The following RBFOX1 variants were observed in gnomAD, a reference collection of about 807,000 sequenced individuals.
RBFOX1 encodes the protein RNA binding protein fox-1 homolog 1.
RBFOX1 carries 8 observed loss-of-function variants against 57.7 expected under a neutral mutation model. The observed-to-expected ratio is 0.14, with a 90% CI of 0.08 to 0.25. The LOEUF (loss-of-function observed/expected upper bound fraction) is 0.25, where lower values mean the gene tolerates loss of function less well. Ranked by LOEUF, RBFOX1 falls within the 10% of genes least tolerant of loss-of-function variation. The pLI is 1.00. For missense variants in RBFOX1, 611 were observed against 548.5 expected, an observed-to-expected ratio of 1.11 and a Z score of -1.14; for synonymous variants, 326 against 222.4, an observed-to-expected ratio of 1.47 and a Z score of -4.15.
intron 3 of RBFOX1, among the ~76,000 whole-genome samples, chr16:5,725,828 G>A (rs933232196): frequency 2.6e-5 from 4 of 152,014 alleles, no homozygotes; most frequent in Non-Finnish European, 4.4e-5. Flanking sequence ...CCAGCTCTCC[G>A]AGTTCTCTGC....
intron 2 of RBFOX1, among the ~76,000 whole-genome samples, chr16:6,400,922 T>C (rs1445806043): frequency 6.6e-6 from 1 of 152,176 alleles, no homozygotes; most frequent in Non-Finnish European, 1.5e-5. Context: ...TGATAGTACC[T>C]GATGGTGTTG....
chr16:5,569,458 T>G (rs2046197276), intron 2 of RBFOX1, among the ~76,000 whole-genome samples: 8 of 117,316 alleles, frequency 6.8e-5, no homozygotes, highest in African/African-American at 2.4e-4. Context: ...TTTTTTTTTT[T>G]TTTTTTTTTC....
intron 2 of RBFOX1, among the ~76,000 whole-genome samples, chr16:6,360,123 T>C (rs1951372015): frequency 6.6e-6 from 1 of 152,212 alleles, no homozygotes; most frequent in Non-Finnish European, 1.5e-5. Flanking sequence ...ATTTCCAGTA[T>C]GCATCTGTTC....
rs1003065530 is a variant in RBFOX1 at position 6,378,352 on chromosome 16, C to G, written c.-64+61295C>G. 5.9e-5 allele frequency among the ~76,000 whole-genome samples: 9 copies of G among 152,354 alleles called. No individual in the cohort carries two copies. The South Asian group carries it at 1.4e-3, about 25-fold the overall frequency. ...GAGATGGTGACCCAGACCCTGCGAT[C>G]CTGGTGCCACAATCCTTCCCAACAG... On this transcript the variant is annotated intron_variant, in intron 2 of 15. Transcript: ENST00000550418.
intron 2 of RBFOX1, among the ~76,000 whole-genome samples, chr16:6,451,679 C>T (rs1834870251): frequency 2.0e-5 from 3 of 152,192 alleles, no homozygotes; most frequent in Admixed American, 2.0e-4. Context: ...CTTCCCTTAC[C>T]ACCCTTTACT....
At chr16:6,863,267 A>G (rs1380432132) in intron 3 of RBFOX1, among the ~76,000 whole-genome samples, 1 of 152,164 alleles carries the variant, frequency 6.6e-6, no homozygotes. Context: ...GAGACGAAGT[A>G]TCTTCTGGAT....
In RBFOX1 at chr16:6,838,437, A is replaced by T. The variant is rs187357986; in HGVS notation, c.-16+183787A>T. The stretch of plus-strand genomic sequence containing the variant: ...TTTATCCAGTCTATTATTGATGGGC[A>T]TTTGGGTTGACTAGCCCTTTTCTAG... On this transcript the variant is annotated intron_variant, in intron 3 of 15. Transcript: ENST00000550418. Among the ~76,000 whole-genome samples, 5 of 152,294 alleles carry T rather than the reference A, an allele frequency of 3.3e-5. No individual in the cohort carries two copies. The South Asian group carries it at 1.0e-3, about 32-fold the overall frequency.
intron 2 of RBFOX1, among the ~76,000 whole-genome samples, chr16:5,500,193 C>A (rs796445326): frequency 1.2e-4 from 11 of 91,368 alleles, no homozygotes; most frequent in African/African-American, 8.9e-4. Flanking sequence ...CCCTCCCTCC[C>A]TTCATTCCAT....
chr16:7,468,520 A>G (rs778457570), intron 4 of RBFOX1, among the ~76,000 whole-genome samples: 6 of 111,864 alleles, frequency 5.4e-5, no homozygotes, highest in Non-Finnish European at 3.7e-5. Context: ...CCTTCCTTCT[A>G]TTTCTCTATG....
At chr16:5,766,921 C>T (rs549606780) in intron 3 of RBFOX1, among the ~76,000 whole-genome samples, 21 of 152,198 alleles carry the variant, frequency 1.4e-4, no homozygotes, top group Non-Finnish European at 2.5e-4. Context: ...ACTTATAGTT[C>T]AGTACGTGCT....
intron 2 of RBFOX1, among the ~76,000 whole-genome samples, chr16:6,353,855 T>C (rs966763763): frequency 1.3e-5 from 2 of 152,188 alleles, no homozygotes; most frequent in Non-Finnish European, 2.9e-5. Flanking sequence ...GGCTCTGGTG[T>C]TCTTCCTGCT....
intron 1 of RBFOX1, among the ~76,000 whole-genome samples, chr16:6,236,409 C>G (rs561473196): frequency 6.6e-6 from 1 of 151,852 alleles, no homozygotes; most frequent in Non-Finnish European, 1.5e-5. Context: ...AGGAAATACC[C>G]AGTAAATATT....
chr16:7,363,523 C>G (rs1209580531), intron 4 of RBFOX1, among the ~76,000 whole-genome samples: 1 of 151,950 alleles, frequency 6.6e-6, no homozygotes, highest in East Asian at 1.9e-4. Flanking sequence ...AGGCCGGGAT[C>G]TTGTGGGCCT....
chr16:7,442,219 C>T (rs1457877060), intron 4 of RBFOX1, among the ~76,000 whole-genome samples: 1 of 152,080 alleles, frequency 6.6e-6, no homozygotes, highest in Non-Finnish European at 1.5e-5. Flanking sequence ...TAAGGGGTCT[C>T]CTGACTACTC....
intron 3 of RBFOX1, among the ~76,000 whole-genome samples, chr16:6,720,900 A>G (rs1237263044): frequency 6.6e-6 from 1 of 152,198 alleles, no homozygotes; most frequent in Non-Finnish European, 1.5e-5. Flanking sequence ...TTACCTTAAC[A>G]TGATGCTACC....
chr16:7,544,137 C>T (rs974368820), intron 5 of RBFOX1, among the ~76,000 whole-genome samples: 1 of 152,170 alleles, frequency 6.6e-6, no homozygotes, highest in African/African-American at 2.4e-5. Context: ...GAATTGAAAC[C>T]AACGCTTACT....
At chr16:5,256,105 G>C (rs148575241) in intron 1 of RBFOX1, among the ~76,000 whole-genome samples, 1 of 152,200 alleles carries the variant, frequency 6.6e-6, no homozygotes, top group African/African-American at 2.4e-5. Flanking sequence ...GTGACATACA[G>C]GTGCTAAGTT....
At chr16:6,849,078 T>G (rs2093925104) in intron 3 of RBFOX1, among the ~76,000 whole-genome samples, 2 of 152,168 alleles carry the variant, frequency 1.3e-5, no homozygotes, top group South Asian at 4.1e-4. Context: ...ACAGCTGTCC[T>G]CAAGAGTGCA....
intron 3 of RBFOX1, among the ~76,000 whole-genome samples, chr16:6,932,936 C>G (rs1212371536): frequency 6.6e-6 from 1 of 152,172 alleles, no homozygotes; most frequent in South Asian, 2.1e-4. Context: ...TACTATTCTC[C>G]TTTCTGTCTT....
Sources: allele counts gnomAD v4.1 joint callset (sites outside exome capture counted in the v4.1 genomes callset), GRCh38; gene constraint gnomAD v4.1.1; transcripts MANE v1.5; gene names NCBI Gene and HGNC (gene_info 2026-07-23, HGNC 2026-07-21).